The following CTCF variants were observed in gnomAD, a reference collection of about 807,000 sequenced individuals.
The protein encoded by CTCF is CCCTC-binding factor, also known as transcriptional repressor CTCF.
In CTCF, 7 loss-of-function variants were observed where a neutral mutation model predicts 72.3. That is an observed-to-expected ratio of 0.10 (90% CI 0.06 to 0.18). The LOEUF (loss-of-function observed/expected upper bound fraction) is 0.18, where lower values mean the gene tolerates loss of function less well. Among genes scored for constraint, CTCF ranks in the 10% least tolerant of loss-of-function variants. CTCF has a pLI of 1.00. For synonymous variants in CTCF, 374 were observed against 315.8 expected, an observed-to-expected ratio of 1.18 and a Z score of -1.95; for missense variants, 516 against 949.1, an observed-to-expected ratio of 0.54 and a Z score of 6.00.
At chr16:67,589,183 A>G (rs905397326) in intron 2 of CTCF, among the ~76,000 whole-genome samples, 1 of 152,106 alleles carries the variant, frequency 6.6e-6, no homozygotes, top group African/African-American at 2.4e-5. Flanking sequence ...TAGTGTCCCA[A>G]CTACCCAGGA....
intron 2 of CTCF, among the ~76,000 whole-genome samples, chr16:67,595,151 G>A (rs544683979): frequency 4.6e-5 from 7 of 152,192 alleles, no homozygotes; most frequent in East Asian, 3.9e-4. Flanking sequence ...TTAATGTGGC[G>A]TCAATATTCT....
chr16:67,563,136 A>G (rs556593615), intron 1 of CTCF, among the ~76,000 whole-genome samples: 1 of 151,774 alleles, frequency 6.6e-6, no homozygotes, highest in South Asian at 2.1e-4. Flanking sequence ...CAGCTGAGAC[A>G]CTATCTCCGC....
At chr16:67,637,606 C>A in intron 11 of CTCF, 82 bp from the exon 12 acceptor site, 1 of 1,148,670 alleles carries the variant, frequency 8.7e-7, no homozygotes, top group Non-Finnish European at 1.3e-6. Flanking sequence ...GCTGACATCC[C>A]GTTCGCTGTC....
rs548790072 is a variant in CTCF, at chr16:67,589,387, A to T, written c.-10+18123A>T. On this transcript the variant is annotated intron_variant, in intron 2 of 11. Transcript: ENST00000264010. ...GTTACATTAAATTTCTTCTGCACAAAATTGGTCTAATTCCATACATATTTT... is the reference window on the plus strand; with the variant it reads ...GTTACATTAAATTTCTTCTGCACAATATTGGTCTAATTCCATACATATTTT... Among the ~76,000 whole-genome samples the T allele has an allele frequency of 1.9e-4, 29 of 152,266 alleles. 2 individuals are homozygous for T. In the South Asian group the frequency reaches 6.0e-3, roughly 32 times the overall value.
At chr16:67,587,178 C>T (rs1347124148) in intron 2 of CTCF, among the ~76,000 whole-genome samples, 1 of 149,436 alleles carries the variant, frequency 6.7e-6, no homozygotes, top group Non-Finnish European at 1.5e-5. Flanking sequence ...CTTGCTGCAG[C>T]CTCAAAATTC....
intron 5 of CTCF, among the ~76,000 whole-genome samples, chr16:67,618,393 T>TC (rs982422150): frequency 6.6e-6 from 1 of 152,014 alleles, no homozygotes; most frequent in Admixed American, 6.6e-5. Context: ...TGAGTGAGAC[T>TC]CCCCCTCAAA....
chr16:67,613,895 T>C (rs1410634638), intron 4 of CTCF, among the ~76,000 whole-genome samples: 1 of 152,180 alleles, frequency 6.6e-6, no homozygotes, highest in East Asian at 1.9e-4. Context: ...GTACAGTCTA[T>C]CTGGTTACTC....
At chr16:67,569,768 C>T (rs889308263) in intron 1 of CTCF, among the ~76,000 whole-genome samples, 6 of 151,560 alleles carry the variant, frequency 4.0e-5, no homozygotes, top group African/African-American at 2.4e-5. Flanking sequence ...TCATTCCAAC[C>T]TCCGGCTCCT....
chr16:67,612,415 CCTGTCTCTA>C, intron 4 of CTCF: 1 of 202,686 alleles, frequency 4.9e-6, no homozygotes, highest in Non-Finnish European at 9.9e-6. Context: ...CCAGTGAAAC[CCTGTCTCTA>C]CTAAAAATAC....
At chr16:67,625,381 G>T (rs1251563641) in intron 7 of CTCF, among the ~76,000 whole-genome samples, 2 of 152,018 alleles carry the variant, frequency 1.3e-5, no homozygotes, top group Admixed American at 6.6e-5. Flanking sequence ...GTACTTTTTA[G>T]TAGAGACAGA....
Position 67,621,812 on chromosome 16 carries a change from C to T in CTCF, c.1357+221C>T, listed in dbSNP as rs79674084. ...CTGTAGTCAGGCCACAAGATTCTGT[C>T]CTGAGTAAAACTCATCTATAAATTA... On this transcript the variant is annotated intron_variant, in intron 7 of 11. Coordinates refer to ENST00000264010, the MANE Select transcript of CTCF (RefSeq NM_006565.4). Among the ~76,000 whole-genome samples the T allele has an allele frequency of 2.2e-3, 295 of 136,194 alleles. 1 individual carries two copies. The highest frequency in any genetic ancestry group is 8.2e-3 in the African/African-American group (284 of 34,564). The allele number at this position is 136,194 out of a possible 152,430, so 89.3% of individuals were successfully genotyped here.
At chr16:67,587,300 T>C (rs899551005) in intron 2 of CTCF, among the ~76,000 whole-genome samples, 7 of 152,102 alleles carry the variant, frequency 4.6e-5, no homozygotes, top group African/African-American at 1.7e-4. Flanking sequence ...ATTATATTGC[T>C]ATTTATTATT....
intron 11 of CTCF, 35 bp downstream of exon 11, chr16:67,636,886 C>CAA: frequency 6.9e-7 from 1 of 1,442,760 alleles, no homozygotes. Flanking sequence ...AGGCTGGCGT[C>CAA]TTCTCCGAGC....
At chr16:67,628,142 G>T (rs1567615919) in intron 8 of CTCF, among the ~76,000 whole-genome samples, 1 of 151,944 alleles carries the variant, frequency 6.6e-6, no homozygotes, top group Non-Finnish European at 1.5e-5. Context: ...TCATACCTAT[G>T]GTCCCATTTT....
chr16:67,572,024 T>G (rs2051428888), intron 2 of CTCF, among the ~76,000 whole-genome samples: 1 of 152,144 alleles, frequency 6.6e-6, no homozygotes, highest in South Asian at 2.1e-4. Flanking sequence ...TGAAAATAAT[T>G]TAATCGTACA....
At chr16:67,612,681 C>T (rs1308272340) in intron 4 of CTCF, among the ~76,000 whole-genome samples, 2 of 151,838 alleles carry the variant, frequency 1.3e-5, no homozygotes, top group Non-Finnish European at 2.9e-5. Context: ...GCCTGTAATC[C>T]TAACACTCTG....
intron 2 of CTCF, among the ~76,000 whole-genome samples, chr16:67,580,451 C>A (rs984132059): frequency 1.3e-5 from 2 of 152,240 alleles, no homozygotes; most frequent in African/African-American, 4.8e-5. Context: ...CAATCCCCTC[C>A]TCCCAGGCCA....
chr16:67,618,470 G>T (rs533817021), intron 5 of CTCF, among the ~76,000 whole-genome samples: 1 of 152,222 alleles, frequency 6.6e-6, no homozygotes, highest in South Asian at 2.1e-4. Context: ...CTGAAACATT[G>T]AAAGTATTTC....
At chr16:67,605,621 C>T (rs567212517) in intron 2 of CTCF, among the ~76,000 whole-genome samples, 2 of 152,152 alleles carry the variant, frequency 1.3e-5, no homozygotes, top group African/African-American at 2.4e-5. Context: ...GCTTCAAGCC[C>T]GGCTTTTGCC....
Sources: allele counts gnomAD v4.1 joint callset (sites outside exome capture counted in the v4.1 genomes callset), GRCh38; gene constraint gnomAD v4.1.1; transcripts MANE v1.5; gene names NCBI Gene and HGNC (gene_info 2026-07-23, HGNC 2026-07-21).